MAP4K4: variants seen among roughly 807,000 people sequenced by gnomAD.
MAP4K4 encodes HPK/GCK-like kinase HGK.
A neutral mutation model predicts 189.6 loss-of-function variants in MAP4K4; 38 were observed. That is an observed-to-expected ratio of 0.20 (90% CI 0.15 to 0.26). MAP4K4 has a LOEUF of 0.26. Among genes scored for constraint, MAP4K4 ranks in the 10% least tolerant of loss-of-function variants. MAP4K4 has a pLI of 1.00. For missense variants in MAP4K4, 1,054 were observed against 1,726.9 expected (o/e 0.61, Z 6.91); for synonymous variants, 610 against 624.3 (o/e 0.98, Z 0.34).
At chr2:101,826,435 G>T (rs529981464) in intron 5 of MAP4K4, among the ~76,000 whole-genome samples, 25 of 152,122 alleles carry the variant, frequency 1.6e-4, no homozygotes, top group Admixed American at 1.6e-3. Flanking sequence ...GGTGGGGTAG[G>T]GTGACAGGAG....
intron 7 of MAP4K4, among the ~76,000 whole-genome samples, chr2:101,833,079 A>G (rs1282548337): frequency 1.3e-5 from 2 of 152,154 alleles, no homozygotes; most frequent in Admixed American, 6.5e-5. Flanking sequence ...TAGGGTAATG[A>G]GCCCCTTTGT....
chr2:101,720,585 T>A (rs997042399), intron 2 of MAP4K4, among the ~76,000 whole-genome samples: 1 of 152,212 alleles, frequency 6.6e-6, no homozygotes, highest in African/African-American at 2.4e-5. Flanking sequence ...AGATGGACCT[T>A]CATATTTTTG....
chr2:101,739,642 C>A (rs1391417342), intron 2 of MAP4K4, among the ~76,000 whole-genome samples: 1 of 152,144 alleles, frequency 6.6e-6, no homozygotes, highest in Non-Finnish European at 1.5e-5. Context: ...AATTAAAAAA[C>A]CCCTATCCTT....
At chr2:101,845,830 CATT>C in intron 12 of MAP4K4, among the ~76,000 whole-genome samples, 1 of 151,600 alleles carries the variant, frequency 6.6e-6, no homozygotes, top group Non-Finnish European at 1.5e-5. Context: ...AATTCACAGA[CATT>C]ATTGTTTTAC....
chr2:101,784,609 T>C (rs907184124), intron 2 of MAP4K4, among the ~76,000 whole-genome samples: 5 of 152,334 alleles, frequency 3.3e-5, no homozygotes, highest in African/African-American at 1.2e-4. Flanking sequence ...CAGTGGCTTG[T>C]GAATGTGTGT....
chr2:101,863,260 G>A (rs978095312), intron 16 of MAP4K4, among the ~76,000 whole-genome samples: 8 of 152,192 alleles, frequency 5.3e-5, no homozygotes, highest in African/African-American at 1.7e-4. Context: ...AAGAAAAATT[G>A]TTGGTATATT....
intron 2 of MAP4K4, among the ~76,000 whole-genome samples, chr2:101,716,249 C>A (rs1014800633): frequency 3.3e-5 from 5 of 152,160 alleles, no homozygotes; most frequent in African/African-American, 7.2e-5. Flanking sequence ...TGAGACCATC[C>A]TGGCTAACAC....
At chr2:101,767,975 T>C (rs1453268575) in intron 2 of MAP4K4, among the ~76,000 whole-genome samples, 2 of 152,204 alleles carry the variant, frequency 1.3e-5, no homozygotes, top group East Asian at 1.9e-4. Flanking sequence ...TTGTTGTTGT[T>C]CCAATAAAAG....
At chr2:101,793,315 C>G (rs1283510364) in intron 3 of MAP4K4, among the ~76,000 whole-genome samples, 1 of 152,176 alleles carries the variant, frequency 6.6e-6, no homozygotes. Flanking sequence ...AGTCATTGCC[C>G]ATAGTAAGTG....
At chr2:101,811,806 A>AT (rs2095447032) in intron 3 of MAP4K4, among the ~76,000 whole-genome samples, 1 of 152,110 alleles carries the variant, frequency 6.6e-6, no homozygotes, top group African/African-American at 2.4e-5. Flanking sequence ...ACTGACCTTC[A>AT]TTTTTTTGGG....
Position 101,716,764 on chromosome 2 carries a change from A to G in MAP4K4, c.123+18226A>G, listed in dbSNP as rs555964482. ...CTTCTAGGATCTCTCCGGAAGCTGA[A>G]GTCAGCTGGCAGTTAACTGGGGGCT... On this transcript the variant is annotated intron_variant, in intron 2 of 32. Transcript: ENST00000324219. Among the ~76,000 whole-genome samples the G allele has an allele frequency of 2.6e-5, 4 of 152,262 alleles. No individual in the cohort carries two copies. The South Asian group carries it at 8.3e-4, about 32-fold the overall frequency.
chr2:101,819,657 A>G (rs13019066), intron 3 of MAP4K4, among the ~76,000 whole-genome samples: 42,519 of 152,156 alleles, frequency 0.28, 6,763 homozygotes, highest in South Asian at 0.49. Context: ...GGATTTGACT[A>G]TTTCAGACCT....
intron 12 of MAP4K4, among the ~76,000 whole-genome samples, chr2:101,852,973 T>C (rs998508568): frequency 4.6e-5 from 7 of 152,354 alleles, no homozygotes; most frequent in South Asian, 2.1e-4. Context: ...GACACACTTA[T>C]TACAAATGCT....
chr2:101,790,919 G>A (rs1277690658), intron 3 of MAP4K4, 143 bp downstream of exon 3: 3 of 723,204 alleles, frequency 4.1e-6, no homozygotes, highest in Non-Finnish European at 7.1e-6. Flanking sequence ...CATAGGTCCA[G>A]TGGACTAGTT....
chr2:101,839,915 G>A (rs767940744), exon 10 of MAP4K4: 2 of 1,613,906 alleles, frequency 1.2e-6, no homozygotes, highest in Admixed American at 3.3e-5. Context: ...CTTTTATAAG[G>A]GATCAGCCAA....
intron 26 of MAP4K4, among the ~76,000 whole-genome samples, chr2:101,876,027 G>A (rs2098193426): frequency 6.6e-6 from 1 of 152,192 alleles, no homozygotes; most frequent in African/African-American, 2.4e-5. Flanking sequence ...GCCAAAGGCT[G>A]AACAATTGTG....
rs545360562 is a variant in MAP4K4, at chr2:101,785,807, CTTCT to C, written c.124-4889_124-4886del. Reference sequence around the variant, plus strand: ...CTCTCTCTCTCTCTTCTTTCTTTCTCTTCTTTCTTTCTTTCTTTCTTTCTTTCCC... The same window carrying C: ...CTCTCTCTCTCTCTTCTTTCTTTCTCTTCTTTCTTTCTTTCTTTCTTTCCC... On this transcript the variant is annotated intron_variant, in intron 2 of 32. Coordinates refer to ENST00000324219, the Ensembl canonical transcript of MAP4K4. Among the ~76,000 whole-genome samples, 19 of 6,044 alleles carry C rather than the reference CTTCT, an allele frequency of 3.1e-3. 6 individuals carry two copies. Among genetic ancestry groups the C allele is most frequent in the South Asian group, 0.026 (5 of 196 alleles). The allele number at this position is 6,044 out of a possible 152,430, so 4.0% of individuals were successfully genotyped here.
chr2:101,729,683 C>A (rs2057515465), intron 2 of MAP4K4, among the ~76,000 whole-genome samples: 1 of 152,186 alleles, frequency 6.6e-6, no homozygotes, highest in South Asian at 2.1e-4. Flanking sequence ...GGCTCAGGGC[C>A]TCACTATGTC....
chr2:101,758,371 A>G (rs1251690038), intron 2 of MAP4K4, among the ~76,000 whole-genome samples: 1 of 152,214 alleles, frequency 6.6e-6, no homozygotes, highest in African/African-American at 2.4e-5. Context: ...GCAGTATAGT[A>G]TAGTTCACCT....
Sources: allele counts gnomAD v4.1 joint callset (sites outside exome capture counted in the v4.1 genomes callset), GRCh38; gene constraint gnomAD v4.1.1; transcripts MANE v1.5; gene names NCBI Gene and HGNC (gene_info 2026-07-23, HGNC 2026-07-21).